ABCA8: variants seen among roughly 807,000 people sequenced by gnomAD.
ABCA8 encodes ATP binding cassette subfamily A member 8, also known as ABC-type organic anion transporter ABCA8.
Under a neutral mutation model 192.3 loss-of-function variants are expected in ABCA8, and 177 were observed. The observed-to-expected ratio is 0.92, with a 90% confidence interval of 0.81 to 1.04. The LOEUF is 1.04. Among genes scored for constraint, ABCA8 ranks in the 50% least tolerant of loss-of-function variants. The probability of loss-of-function intolerance (pLI) is 0.00; values close to 1 mark genes in which losing one functional copy is unlikely to be tolerated. For synonymous variants in ABCA8, 642 were observed against 690.2 expected, an observed-to-expected ratio of 0.93 and a Z score of 1.09; for missense variants, 1,915 against 1,904.8, an observed-to-expected ratio of 1.01 and a Z score of -0.10.
At chr17:68,917,308 C>G in intron 17 of ABCA8, 53 bp downstream of exon 17, 1 of 1,075,914 alleles carries the variant, frequency 9.3e-7, no homozygotes, top group Non-Finnish European at 1.4e-6. Flanking sequence ...TGTTTTGCTT[C>G]AAGCATCAAG....
At chr17:68,949,600 T>C (rs892144653) in intron 1 of ABCA8, 128 bp from the exon 2 acceptor site, 1 of 152,188 alleles carries the variant, frequency 6.6e-6, no homozygotes, top group African/African-American at 2.4e-5. Context: ...TCCACCATGA[T>C]CAAGTCGCTT....
At chr17:68,875,450 T>C in intron 36 of ABCA8, 50 bp from the exon 37 acceptor site, 1 of 1,609,382 alleles carries the variant, frequency 6.2e-7, no homozygotes, top group Non-Finnish European at 8.5e-7. Context: ...CCATTCAGTA[T>C]GTTGTTTGAG....
chr17:68,890,417 G>A (rs1011567533), intron 24 of ABCA8, among the ~76,000 whole-genome samples: 1 of 152,188 alleles, frequency 6.6e-6, no homozygotes, highest in Non-Finnish European at 1.5e-5. Context: ...AGGAATGAGA[G>A]TTCTTTACAT....
chr17:68,914,395 C>G (rs186189800), intron 17 of ABCA8, among the ~76,000 whole-genome samples: 1 of 151,982 alleles, frequency 6.6e-6, no homozygotes, highest in Non-Finnish European at 1.5e-5. Context: ...TTTGAAAAAT[C>G]CTAAAAACTA....
chr17:68,922,236 T>C lies in ABCA8; in HGVS notation c.1501+6A>G. The stretch of plus-strand genomic sequence containing the variant: ...TTTTTTTTTTTTTTTTTTTTTTTTT[T>C]TTTACCTTTCAAGGCTTCTATTTTA... On this transcript the variant is annotated splice_donor_region_variant and intron_variant, in intron 12 of 39. Coordinates refer to ENST00000586539, the MANE Select transcript of ABCA8 (RefSeq NM_001288985.2). 1 of 452,832 alleles carries C rather than the reference T, an allele frequency of 2.2e-6. No individual in the cohort carries two copies. Among genetic ancestry groups the C allele is most frequent in the Non-Finnish European group, 3.2e-6 (1 of 308,230 alleles). 28.1% of individuals were successfully genotyped at this position (452,832 alleles called of 1,614,324 possible).
intron 32 of ABCA8, chr17:68,879,943 A>T (rs1329202375): frequency 6.6e-6 from 1 of 152,220 alleles, no homozygotes; most frequent in Non-Finnish European, 1.5e-5. Context: ...TGGCATGTTG[A>T]TGGCAGCAGG....
At position 68,903,513 on chromosome 17, in the gene ABCA8, A is replaced by G. The variant is rs752663524; in HGVS notation, c.2399-14T>C. The G allele has an allele frequency of 2.5e-6, 4 of 1,613,282 alleles. No homozygotes were observed. In the African/African-American group the frequency reaches 5.3e-5, roughly 22 times the overall value. On this transcript the variant is annotated splice_polypyrimidine_tract_variant and intron_variant, in intron 19 of 39. Coordinates refer to ENST00000586539, the MANE Select transcript of ABCA8 (RefSeq NM_001288985.2). ...AAATAGCAATGTCTGCAAAACATAA[A>G]ATAAGCAACTCATATGTACTTTATT... is the stretch of plus-strand genomic sequence containing the variant.
chr17:68,901,756 C>T (rs970751399), intron 21 of ABCA8, among the ~76,000 whole-genome samples: 2 of 148,460 alleles, frequency 1.3e-5, no homozygotes, highest in African/African-American at 5.0e-5. Context: ...TGCAGTGAGC[C>T]GAAATTGTGC....
intron 38 of ABCA8, 31 bp downstream of exon 38, chr17:68,869,669 C>A (rs1202084272): frequency 7.2e-7 from 1 of 1,389,276 alleles, no homozygotes; most frequent in East Asian, 2.3e-5. Flanking sequence ...ATCTTCTTTC[C>A]AGGGTCGTAC....
Position 68,884,565 on chromosome 17 carries a change from C to G in ABCA8, c.3550-169G>C, listed in dbSNP as rs146055039. The G allele has an allele frequency of 5.6e-4, 738 of 1,315,638 alleles. 6 individuals are homozygous for G. In the African/African-American group the frequency reaches 0.01, roughly 19 times the overall value. The allele number at this position is 1,315,638 out of a possible 1,614,324, so 81.5% of individuals were successfully genotyped here. On this transcript the variant is annotated intron_variant, in intron 27 of 39. Transcript: ENST00000586539. ...GGGCTGTCTTCCTTCCTCCCAAGGT[C>G]TATGAGCTTTTGTTTGAAGCAATAG...
intron 35 of ABCA8, 105 bp from the exon 36 acceptor site, chr17:68,875,838 A>C: frequency 7.6e-7 from 1 of 1,316,304 alleles, no homozygotes; most frequent in Middle Eastern, 1.9e-4. Context: ...AATTAGCAAA[A>C]AGAGATTAAG....
intron 37 of ABCA8, 37 bp from the exon 38 acceptor site, chr17:68,869,816 T>G: frequency 7.1e-7 from 1 of 1,405,174 alleles, no homozygotes; most frequent in Non-Finnish European, 1.0e-6. Flanking sequence ...GTGATACCAC[T>G]TGTGCCAGAT....
At position 68,924,796 on chromosome 17, in the gene ABCA8, ATCAG is replaced by A; in HGVS notation, c.1343_1346del (p.Thr448IlefsTer48). 2.5e-6 allele frequency: 4 copies of A among 1,614,154 alleles called. No homozygotes were observed. Among genetic ancestry groups the A allele is most frequent in the Non-Finnish European group, 3.4e-6 (4 of 1,179,980 alleles). ...CCATTTCATCTTCAAGGGCCACGTG[ATCAG>A]TCTTTTGTGTTTGAGACCAAAATGA... On this transcript the variant is annotated frameshift_variant, in exon 11 of 40. Transcript: ENST00000586539. LOFTEE classifies it high-confidence loss of function.
chr17:68,939,982 T>C (rs982196856), intron 4 of ABCA8, among the ~76,000 whole-genome samples: 4 of 152,056 alleles, frequency 2.6e-5, no homozygotes, highest in African/African-American at 9.7e-5. Context: ...TCCAGACACA[T>C]ATGTATCACA....
At chr17:68,934,321 C>T (rs2067993104) in intron 5 of ABCA8, among the ~76,000 whole-genome samples, 1 of 152,006 alleles carries the variant, frequency 6.6e-6, no homozygotes, top group South Asian at 2.1e-4. Flanking sequence ...AAATCTGCTG[C>T]TATAAAAATC....
At chr17:68,902,566 G>T in intron 21 of ABCA8, 147 bp downstream of exon 21, 2 of 572,058 alleles carry the variant, frequency 3.5e-6, no homozygotes, top group Non-Finnish European at 5.7e-6. Context: ...TTCTTTGGGG[G>T]CCTGTATTTA....
At chr17:68,909,803 G>A (rs754596917) in intron 17 of ABCA8, among the ~76,000 whole-genome samples, 1 of 152,062 alleles carries the variant, frequency 6.6e-6, no homozygotes, top group Non-Finnish European at 1.5e-5. Flanking sequence ...TAAGGAAACT[G>A]TCATCCTATT....
chr17:68,937,486 A>G (rs941520858), intron 4 of ABCA8, among the ~76,000 whole-genome samples: 10 of 152,176 alleles, frequency 6.6e-5, no homozygotes, highest in Admixed American at 6.6e-4. Flanking sequence ...ACTGTTTTGT[A>G]TCAGGTGGAC....
At position 68,887,472 on chromosome 17, in the gene ABCA8, A is replaced by C. The variant is rs764998133; in HGVS notation, c.3179T>G (p.Leu1060Arg). 6.2e-7 allele frequency: 1 copy of C among 1,612,264 alleles called. No homozygotes were observed. The highest frequency in any genetic ancestry group is 8.5e-7 in the Non-Finnish European group (1 of 1,179,424). ...RARSQLRISG[L>R]SPSAYWFGQA... ...CCCAAACCAGTAAGCAGAAGGGGAG[A>C]GTCCGGAAATCCGTAGCTGGGACCG... The change falls in exon 25 of 40, where the codon CTC becomes CGC. Residue 1060 changes from leucine (L) to arginine (R), a missense_variant. Leu to Arg is a moderately radical substitution (Grantham distance 102, BLOSUM62 -2). Transcript: ENST00000586539.
Sources: gnomAD v4.1 joint callset for allele counts (sites outside exome capture counted in the v4.1 genomes callset) on GRCh38, gnomAD v4.1.1 for gene constraint, MANE v1.5 for transcripts, NCBI Gene and HGNC (gene_info 2026-07-23, HGNC 2026-07-21) for gene names.